The following PARD3 variants were observed in gnomAD, a reference collection of about 807,000 sequenced individuals.
PARD3 encodes par-3 family cell polarity regulator.
PARD3 carries 75 observed loss-of-function variants against 155.4 expected under a neutral mutation model. The ratio of observed to expected loss-of-function variants is 0.48; its 90% CI spans 0.40 to 0.58. The LOEUF (loss-of-function observed/expected upper bound fraction) is 0.58. PARD3 is among the 20% of genes least tolerant of loss of function. The pLI, the probability that PARD3 is intolerant of heterozygous loss-of-function variation, is 0.00. For missense variants in PARD3, 1,642 were observed against 1,721.7 expected, an observed-to-expected ratio of 0.95 and a Z score of 0.82; for synonymous variants, 576 against 610.5, an observed-to-expected ratio of 0.94 and a Z score of 0.83.
At chr10:34,343,148 T>C (rs1007588402) in intron 15 of PARD3, 333 of 200,412 alleles carry the variant, frequency 1.7e-3, no homozygotes, top group African/African-American at 7.1e-3. Context: ...ACATACTTTT[T>C]TCCTTCAAAG....
At chr10:34,562,006 C>T (rs1462719019) in intron 2 of PARD3, among the ~76,000 whole-genome samples, 4 of 148,862 alleles carry the variant, frequency 2.7e-5, no homozygotes, top group African/African-American at 7.4e-5. Flanking sequence ...TGGTGGCAGG[C>T]GCCTGTAGTT....
intron 1 of PARD3, among the ~76,000 whole-genome samples, chr10:34,802,538 T>A (rs1842919545): frequency 6.6e-6 from 1 of 152,120 alleles, no homozygotes; most frequent in Non-Finnish European, 1.5e-5. Context: ...GAAAACAGAC[T>A]TACAGAGCTT....
intron 1 of PARD3, among the ~76,000 whole-genome samples, chr10:34,806,469 G>A (rs537462792): frequency 1.3e-5 from 2 of 152,196 alleles, no homozygotes; most frequent in South Asian, 2.1e-4. Flanking sequence ...GATTACAGGC[G>A]TGAGCCACCA....
intron 2 of PARD3, among the ~76,000 whole-genome samples, chr10:34,536,880 A>G (rs1368863048): frequency 6.6e-6 from 1 of 152,246 alleles, no homozygotes; most frequent in Admixed American, 6.5e-5. Context: ...ATTCATGACC[A>G]AAAGACTGAA....
At chr10:34,388,478 T>A (rs909785348) in intron 7 of PARD3, among the ~76,000 whole-genome samples, 6 of 152,306 alleles carry the variant, frequency 3.9e-5, no homozygotes, top group African/African-American at 1.2e-4. Flanking sequence ...CGCGAGCAGA[T>A]ACATTTCCAT....
At chr10:34,558,584 C>T (rs995740083) in intron 2 of PARD3, among the ~76,000 whole-genome samples, 4 of 152,220 alleles carry the variant, frequency 2.6e-5, no homozygotes, top group African/African-American at 9.6e-5. Context: ...GCCAAATATC[C>T]CCTTCCCAGA....
rs2078262119 is a variant in PARD3 at position 34,470,197 on chromosome 10, T to A, written c.470A>T (p.Asp157Val). 6.2e-7 allele frequency: 1 copy of A among 1,613,348 alleles called. No individual in the cohort carries two copies. Among genetic ancestry groups the A allele is most frequent in the East Asian group, 2.2e-5 (1 of 44,860 alleles). Residue 157 changes from aspartate to valine, a missense_variant, in exon 4 of 25, where the codon GAT becomes GTT. This residue lies in a region of PARD3 where 1,529 missense variants were observed against 1,587.3 expected (regional missense o/e 0.96). Coordinates refer to ENST00000374788, the MANE Select transcript of PARD3 (RefSeq NM_001184785.2). ...AGGCTCTTCAGAGGAAAAATTACTA[T>A]CACTGACAGAAGTGGAGAGGCCAAT... ...ALIGLSTSVS[D>V]SNFSSEEPSR...
intron 2 of PARD3, among the ~76,000 whole-genome samples, chr10:34,549,378 T>A (rs2084357728): frequency 6.6e-6 from 1 of 152,234 alleles, no homozygotes; most frequent in African/African-American, 2.4e-5. Flanking sequence ...AACATTCTCT[T>A]ATCCATAGTC....
Position 34,242,234 on chromosome 10 carries a change from T to C in PARD3, c.3419+27423A>G, listed in dbSNP as rs114222962. 9.1e-4 allele frequency among the ~76,000 whole-genome samples: 139 copies of C among 152,338 alleles called. 1 individual carries two copies. The highest frequency in any genetic ancestry group is 3.1e-3 in the African/African-American group (130 of 41,582). ...GCATGCTTTCATATATATAATTTAC[T>C]TGATCAGTCTGTCTTCCTTTTTTAA... On this transcript the variant is annotated intron_variant, in intron 22 of 24. Coordinates refer to ENST00000374788, the MANE Select transcript of PARD3 (RefSeq NM_001184785.2).
intron 22 of PARD3, among the ~76,000 whole-genome samples, chr10:34,153,093 G>T (rs1948850147): frequency 6.6e-6 from 1 of 152,186 alleles, no homozygotes; most frequent in African/African-American, 2.4e-5. Context: ...CTGATTCACA[G>T]AAATTGGGGG....
chr10:34,229,596 T>C (rs1952807358), intron 22 of PARD3, among the ~76,000 whole-genome samples: 1 of 151,902 alleles, frequency 6.6e-6, no homozygotes, highest in Non-Finnish European at 1.5e-5. Context: ...TAAATATGCC[T>C]CTTTAATACT....
chr10:34,197,105 T>C (rs12248068), intron 22 of PARD3, among the ~76,000 whole-genome samples: 11,457 of 152,202 alleles, frequency 0.075, 1,456 homozygotes, highest in African/African-American at 0.26. Flanking sequence ...TAAATTAATA[T>C]GAAGAATGCA....
chr10:34,347,685 G>A (rs1416506724), intron 15 of PARD3, among the ~76,000 whole-genome samples: 1 of 152,002 alleles, frequency 6.6e-6, no homozygotes, highest in African/African-American at 2.4e-5. Context: ...AGAATATCTT[G>A]ATCACTAGAA....
intron 9 of PARD3, among the ~76,000 whole-genome samples, chr10:34,382,299 C>T (rs1054633331): frequency 6.6e-6 from 1 of 152,142 alleles, no homozygotes; most frequent in Admixed American, 6.5e-5. Context: ...TTATTCTCTG[C>T]ACTTTTACAT....
chr10:34,437,521 T>C (rs2076248052), intron 5 of PARD3, among the ~76,000 whole-genome samples: 3 of 152,130 alleles, frequency 2.0e-5, no homozygotes, highest in Admixed American at 6.6e-5. Flanking sequence ...GTTTTATATA[T>C]TGAACATGTA....
intron 22 of PARD3, among the ~76,000 whole-genome samples, chr10:34,214,973 A>T (rs1951932887): frequency 6.6e-6 from 1 of 152,208 alleles, no homozygotes; most frequent in Admixed American, 6.5e-5. Context: ...GGGTTGTCAG[A>T]TCAACAGTAA....
At chr10:34,781,292 GAC>G (rs1003765522) in intron 1 of PARD3, among the ~76,000 whole-genome samples, 2 of 152,220 alleles carry the variant, frequency 1.3e-5, no homozygotes, top group Admixed American at 6.5e-5. Flanking sequence ...TTGCCCCTCT[GAC>G]CAGGACCCAT....
chr10:34,604,638 T>A (rs954851198), intron 2 of PARD3, among the ~76,000 whole-genome samples: 1 of 148,542 alleles, frequency 6.7e-6, no homozygotes, highest in Non-Finnish European at 1.5e-5. Flanking sequence ...GTATATGATA[T>A]ATAAAATATA....
intron 20 of PARD3, among the ~76,000 whole-genome samples, chr10:34,298,143 TA>T (rs2134004334): frequency 6.6e-6 from 1 of 152,334 alleles, no homozygotes; most frequent in East Asian, 1.9e-4. Flanking sequence ...TGTTGGCACA[TA>T]AAAACACTAA....
Sources: allele counts gnomAD v4.1 joint callset (sites outside exome capture counted in the v4.1 genomes callset), GRCh38; gene constraint gnomAD v4.1.1; regional missense constraint gnomAD v4.1.1; transcripts MANE v1.5; gene names NCBI Gene and HGNC (gene_info 2026-07-23, HGNC 2026-07-21).